Variants in RARB observed in about 807,000 individuals in gnomAD.
RARB encodes the protein retinoic acid receptor beta.
RARB carries 17 observed loss-of-function variants against 51.9 expected under a neutral mutation model. The ratio of observed to expected loss-of-function variants is 0.33; its 90% CI spans 0.22 to 0.49. The LOEUF is 0.49. Ranked by LOEUF, RARB falls within the 20% of genes least tolerant of loss-of-function variation. The pLI is 0.99. For synonymous variants in RARB, 215 were observed against 195.4 expected (o/e 1.10, Z -0.84); for missense variants, 369 against 550.8 (o/e 0.67, Z 3.30).
At chr3:25,360,212 C>G (rs891175142) in intron 5 of RARB, among the ~76,000 whole-genome samples, 1 of 152,140 alleles carries the variant, frequency 6.6e-6, no homozygotes, top group Non-Finnish European at 1.5e-5. Flanking sequence ...TTGTGTTGAT[C>G]CCTTTACCAT....
At chr3:25,389,417 T>C (rs1245752341) in intron 5 of RARB, among the ~76,000 whole-genome samples, 5 of 152,206 alleles carry the variant, frequency 3.3e-5, no homozygotes, top group African/African-American at 1.2e-4. Flanking sequence ...TGACTAGCTG[T>C]GTGACTTTGA....
chr3:25,495,318 C>T (rs1321926012), intron 2 of RARB, among the ~76,000 whole-genome samples: 2 of 152,112 alleles, frequency 1.3e-5, no homozygotes, highest in African/African-American at 4.8e-5. Flanking sequence ...CACTTTTTTC[C>T]ATGTCCTTTC....
chr3:25,232,335 G>A (rs1035445577), intron 5 of RARB, among the ~76,000 whole-genome samples: 4 of 152,068 alleles, frequency 2.6e-5, no homozygotes, highest in Admixed American at 2.6e-4. Context: ...GTAAGTGTTA[G>A]ACTCAGCTTG....
chr3:24,872,487 G>T (rs1026007772), intron 2 of RARB, among the ~76,000 whole-genome samples: 14 of 152,154 alleles, frequency 9.2e-5, no homozygotes, highest in African/African-American at 3.4e-4. Context: ...TTCATACTAT[G>T]CAAGAAGCAC....
chr3:24,973,428 C>G (rs2125419488), intron 2 of RARB, among the ~76,000 whole-genome samples: 1 of 152,104 alleles, frequency 6.6e-6, no homozygotes, highest in East Asian at 1.9e-4. Context: ...TCTTTTTGAT[C>G]AGCATTGCTT....
At chr3:24,894,659 A>G (rs1055230144) in intron 2 of RARB, among the ~76,000 whole-genome samples, 1 of 152,216 alleles carries the variant, frequency 6.6e-6, no homozygotes, top group Non-Finnish European at 1.5e-5. Context: ...AATAATAATT[A>G]TTCAGAAAGT....
At chr3:25,069,104 G>C (rs1698720141) in intron 3 of RARB, among the ~76,000 whole-genome samples, 1 of 151,948 alleles carries the variant, frequency 6.6e-6, no homozygotes, top group Non-Finnish European at 1.5e-5. Context: ...GCAGTTGTCA[G>C]ACAAATCTTT....
chr3:24,944,352 T>C (rs946138670), intron 2 of RARB, among the ~76,000 whole-genome samples: 3 of 152,202 alleles, frequency 2.0e-5, no homozygotes, highest in African/African-American at 7.2e-5. Context: ...TGCCGTATGA[T>C]TGTTGTTGAA....
chr3:25,424,392 G>C (rs541292186), upstream of RARB, among the ~76,000 whole-genome samples: 99 of 152,326 alleles, frequency 6.5e-4, 1 homozygote, highest in African/African-American at 2.3e-3. Context: ...CACAAAAGCA[G>C]CTCTGCCTGC....
At chr3:25,048,030 G>A (rs186117348) in intron 2 of RARB, among the ~76,000 whole-genome samples, 25 of 152,256 alleles carry the variant, frequency 1.6e-4, no homozygotes, top group Non-Finnish European at 2.4e-4. Flanking sequence ...CTCACCTGCC[G>A]CCATGTAAGA....
rs572991499 is a variant in RARB, at chr3:24,932,839, A to G, written c.-380+74087A>G. Among the ~76,000 whole-genome samples the G allele has an allele frequency of 6.6e-5, 10 of 152,232 alleles. No homozygotes were observed. In the South Asian group the frequency reaches 2.1e-3, roughly 32 times the overall value. Reference sequence around the variant, plus strand: ...ACTACCACACTGACTTACAGAATTCATGGAGGTGCTAATCTCTGTTCTATT... The same window carrying G: ...ACTACCACACTGACTTACAGAATTCGTGGAGGTGCTAATCTCTGTTCTATT... On this transcript the variant is annotated intron_variant, in intron 2 of 11. Transcript: ENST00000383772.
chr3:25,504,818 C>T (rs1258973365), intron 3 of RARB, among the ~76,000 whole-genome samples: 1 of 136,176 alleles, frequency 7.3e-6, no homozygotes, highest in Admixed American at 8.3e-5. Context: ...AGTGCAGTGG[C>T]GTGATCTCAG....
At chr3:24,922,562 C>T (rs1309955020) in intron 2 of RARB, among the ~76,000 whole-genome samples, 1 of 152,140 alleles carries the variant, frequency 6.6e-6, no homozygotes, top group Non-Finnish European at 1.5e-5. Context: ...AAGTCACACA[C>T]AGCCTGAAAG....
intron 4 of RARB, among the ~76,000 whole-genome samples, chr3:25,155,668 T>A (rs1575185661): frequency 6.6e-6 from 1 of 152,352 alleles, no homozygotes; most frequent in East Asian, 1.9e-4. Context: ...AAAAGCTTTA[T>A]GATCTCTCAG....
chr3:24,954,999 C>T (rs1325561705), intron 2 of RARB, among the ~76,000 whole-genome samples: 1 of 152,114 alleles, frequency 6.6e-6, no homozygotes, highest in Non-Finnish European at 1.5e-5. Context: ...TAAGTGTTAA[C>T]CAGCTCAATG....
intron 2 of RARB, among the ~76,000 whole-genome samples, chr3:25,048,942 C>G (rs146498330): frequency 6.6e-6 from 1 of 151,918 alleles, no homozygotes; most frequent in Non-Finnish European, 1.5e-5. Flanking sequence ...TTAGTAGAGA[C>G]GGGGTTTCAC....
intron 5 of RARB, among the ~76,000 whole-genome samples, chr3:25,400,488 G>A (rs1707235013): frequency 6.6e-6 from 1 of 152,042 alleles, no homozygotes; most frequent in Non-Finnish European, 1.5e-5. Flanking sequence ...AGGTTTCGAA[G>A]AAAGAAGGTC....
intron 4 of RARB, among the ~76,000 whole-genome samples, chr3:25,147,439 G>T (rs1027440404): frequency 6.6e-6 from 1 of 152,116 alleles, no homozygotes; most frequent in African/African-American, 2.4e-5. Context: ...CTAGAGTAGA[G>T]ATTTTGAATA....
At chr3:25,446,745 G>A (rs543279554) in intron 1 of RARB, among the ~76,000 whole-genome samples, 2 of 132,286 alleles carry the variant, frequency 1.5e-5, no homozygotes, top group South Asian at 5.0e-4. Context: ...GGAGCTGGCA[G>A]TGAGCCGAGA....
Sources: gnomAD v4.1 joint callset for allele counts (sites outside exome capture counted in the v4.1 genomes callset) on GRCh38, gnomAD v4.1.1 for gene constraint, MANE v1.5 for transcripts, NCBI Gene and HGNC (gene_info 2026-07-23, HGNC 2026-07-21) for gene names.